Variants in OPN5 observed in about 807,000 individuals in gnomAD.
OPN5 encodes opsin 5.
In OPN5, 18 loss-of-function variants were observed where a neutral mutation model predicts 41.7. The ratio of observed to expected loss-of-function variants is 0.43; its 90% CI spans 0.30 to 0.64. The LOEUF is 0.64. Ranked by LOEUF, OPN5 falls within the 30% of genes least tolerant of loss-of-function variation. The probability of loss-of-function intolerance (pLI) is 0.13; values close to 1 mark genes in which losing one functional copy is unlikely to be tolerated. For missense variants in OPN5, 318 were observed against 434.5 expected (o/e 0.73, Z 2.38); for synonymous variants, 178 against 164.3 (o/e 1.08, Z -0.64).
rs996369123 is a variant in OPN5, at chr6:47,815,349, A to G, written c.1056+3618A>G. Reference sequence around the variant, plus strand: ...CAACCTGAGCCACAAATCTACGAATAAAAATGCTTCTCCATTAAGTTAGTG... The same window carrying G: ...CAACCTGAGCCACAAATCTACGAATGAAAATGCTTCTCCATTAAGTTAGTG... On this transcript the variant is annotated intron_variant, in intron 6 of 6. Transcript: ENST00000371211. 6.6e-5 allele frequency among the ~76,000 whole-genome samples: 10 copies of G among 152,256 alleles called. No individual in the cohort carries two copies. The East Asian group carries it at 1.2e-3, about 18-fold the overall frequency.
Position 47,799,029 on chromosome 6 carries a change from T to G in OPN5, c.756+3466T>G, listed in dbSNP as rs554523599. Among the ~76,000 whole-genome samples the G allele has an allele frequency of 2.0e-5, 3 of 152,256 alleles. No homozygotes were observed. In the South Asian group the frequency reaches 6.2e-4, roughly 32 times the overall value. On this transcript the variant is annotated intron_variant, in intron 4 of 6. Transcript: ENST00000371211. The stretch of plus-strand genomic sequence containing the variant: ...TAATTATTTCTAGCTGGGTTATGAC[T>G]GGGGCCAGTATTCTGCCGGTCTGAT...
chr6:47,782,868 A>C (rs896934881), intron 1 of OPN5, among the ~76,000 whole-genome samples: 5 of 152,166 alleles, frequency 3.3e-5, no homozygotes, highest in African/African-American at 9.7e-5. Context: ...GGCTTTTCCA[A>C]ATTGAAAGTT....
At chr6:47,821,383 C>A (rs1561908385) in intron 6 of OPN5, among the ~76,000 whole-genome samples, 1 of 152,170 alleles carries the variant, frequency 6.6e-6, no homozygotes, top group South Asian at 2.1e-4. Flanking sequence ...AAGAGGCAAT[C>A]CCCGATGGAA....
chr6:47,795,458 C>T, exon 4 of OPN5: 1 of 1,614,056 alleles, frequency 6.2e-7, no homozygotes, highest in Non-Finnish European at 8.5e-7. Flanking sequence ...TGATCGTGTT[C>T]TCCTACGTAA....
At chr6:47,810,319 G>A (rs1774142229) in intron 5 of OPN5, among the ~76,000 whole-genome samples, 1 of 152,116 alleles carries the variant, frequency 6.6e-6, no homozygotes, top group East Asian at 1.9e-4. Flanking sequence ...ATTTTAGAAG[G>A]GGCTGCTTCA....
intron 5 of OPN5, among the ~76,000 whole-genome samples, chr6:47,809,841 A>G (rs1205657635): frequency 2.0e-5 from 3 of 152,214 alleles, no homozygotes; most frequent in Non-Finnish European, 4.4e-5. Context: ...GCAGATAGAG[A>G]GAATAATTTT....
At chr6:47,815,942 A>C (rs150435386) in intron 6 of OPN5, among the ~76,000 whole-genome samples, 138 of 152,272 alleles carry the variant, frequency 9.1e-4, no homozygotes, top group African/African-American at 3.1e-3. Context: ...AATTACTTTG[A>C]ACCCTCTTTC....
At chr6:47,823,631 T>A in intron 6 of OPN5, 2 of 380,624 alleles carry the variant, frequency 5.3e-6, no homozygotes, top group Non-Finnish European at 4.8e-6. Flanking sequence ...AGGGAGAAGA[T>A]CCTGCAAGGC....
chr6:47,801,325 AG>A (rs1773766007), intron 4 of OPN5, among the ~76,000 whole-genome samples: 2 of 152,250 alleles, frequency 1.3e-5, no homozygotes, highest in South Asian at 4.1e-4. Context: ...CTCTGGCTCT[AG>A]GGCCTCTGTT....
At chr6:47,801,119 T>G (rs570910109) in intron 4 of OPN5, among the ~76,000 whole-genome samples, 1 of 152,328 alleles carries the variant, frequency 6.6e-6, no homozygotes, top group Non-Finnish European at 1.5e-5. Context: ...GGTCATATTT[T>G]ACTGAATCAC....
intron 6 of OPN5, among the ~76,000 whole-genome samples, chr6:47,821,081 G>T (rs539029061): frequency 2.6e-5 from 4 of 152,326 alleles, no homozygotes; most frequent in Admixed American, 2.6e-4. Context: ...TCTTCACGTT[G>T]AGTAGGATGA....
Position 47,789,009 on chromosome 6 carries a change from A to T in OPN5, c.250+2375A>T, listed in dbSNP as rs1173713471. On this transcript the variant is annotated intron_variant, in intron 2 of 6. Transcript: ENST00000371211. ...AAGTGGAAGAGAGACATTCTAGATGACACCCCAAAGTTTAATCCAAAGCTC... is the reference window on the plus strand; with the variant it reads ...AAGTGGAAGAGAGACATTCTAGATGTCACCCCAAAGTTTAATCCAAAGCTC... Among the ~76,000 whole-genome samples the T allele has an allele frequency of 2.6e-5, 4 of 152,118 alleles. No homozygotes were observed. In the South Asian group the frequency reaches 6.2e-4, roughly 24 times the overall value.
downstream of OPN5, chr6:47,826,152 T>C (rs1033770979): frequency 6.6e-6 from 1 of 152,172 alleles, no homozygotes; most frequent in Non-Finnish European, 1.5e-5. Flanking sequence ...CATGTATCCA[T>C]CATCCAGCCT....
At chr6:47,782,313 T>C in intron 1 of OPN5, 117 bp downstream of exon 1, 1 of 907,624 alleles carries the variant, frequency 1.1e-6, no homozygotes, top group South Asian at 1.6e-5. Flanking sequence ...AGGCGAAGAG[T>C]GGGGAAAGGC....
intron 5 of OPN5, among the ~76,000 whole-genome samples, chr6:47,809,383 G>A (rs1385693674): frequency 6.6e-6 from 1 of 152,130 alleles, no homozygotes; most frequent in Admixed American, 6.6e-5. Flanking sequence ...CTTTCATTGT[G>A]CCTGAGCAAG....
At chr6:47,805,318 C>T (rs778231566) in intron 4 of OPN5, among the ~76,000 whole-genome samples, 10 of 151,970 alleles carry the variant, frequency 6.6e-5, no homozygotes, top group Non-Finnish European at 1.2e-4. Flanking sequence ...GGCCAAGGAC[C>T]GAAAGCAAGG....
At chr6:47,789,318 T>TA (rs1423597258) in intron 2 of OPN5, among the ~76,000 whole-genome samples, 1 of 152,174 alleles carries the variant, frequency 6.6e-6, no homozygotes, top group Non-Finnish European at 1.5e-5. Flanking sequence ...AGTTTCCATC[T>TA]ACCTGCTTTC....
intron 3 of OPN5, 40 bp downstream of exon 3, chr6:47,792,012 A>G: frequency 6.9e-7 from 1 of 1,450,618 alleles, no homozygotes; most frequent in Non-Finnish European, 9.7e-7. Context: ...AGTTAAAGCT[A>G]GGTGGATTGA....
intron 6 of OPN5, among the ~76,000 whole-genome samples, chr6:47,822,160 T>C (rs1762646437): frequency 6.6e-6 from 1 of 150,838 alleles, no homozygotes; most frequent in Non-Finnish European, 1.5e-5. Context: ...GTGACTCTTA[T>C]ACACTCCACA....
Sources: allele counts gnomAD v4.1 joint callset (sites outside exome capture counted in the v4.1 genomes callset), GRCh38; gene constraint gnomAD v4.1.1; transcripts MANE v1.5; gene names NCBI Gene and HGNC (gene_info 2026-07-23, HGNC 2026-07-21).